The following SGCD variants were observed in gnomAD, a reference collection of about 807,000 sequenced individuals.
The protein encoded by SGCD is sarcoglycan delta.
A neutral mutation model predicts 36.6 loss-of-function variants in SGCD; 18 were observed. That is an observed-to-expected ratio of 0.49 (90% CI 0.34 to 0.73). The LOEUF (loss-of-function observed/expected upper bound fraction) is 0.73, where lower values mean the gene tolerates loss of function less well. Among genes scored for constraint, SGCD ranks in the 30% least tolerant of loss-of-function variants. SGCD has a pLI of 0.01. For missense variants in SGCD, 387 were observed against 346.7 expected, an observed-to-expected ratio of 1.12 and a Z score of -0.92; for synonymous variants, 133 against 130.6, an observed-to-expected ratio of 1.02 and a Z score of -0.12.
chr5:156,157,973 G>T (rs1447816590), intron 3 of SGCD, among the ~76,000 whole-genome samples: 1 of 151,502 alleles, frequency 6.6e-6, no homozygotes, highest in Non-Finnish European at 1.5e-5. Context: ...AATTATGTGA[G>T]TCGCTCAAAC....
At chr5:156,647,967 C>G (rs1171130700) in intron 7 of SGCD, among the ~76,000 whole-genome samples, 2 of 152,140 alleles carry the variant, frequency 1.3e-5, no homozygotes, top group African/African-American at 2.4e-5. Flanking sequence ...AAAGAACCCC[C>G]TTCTGCAGAT....
intron 3 of SGCD, among the ~76,000 whole-genome samples, chr5:156,229,286 A>ATATATATATATATATATATATATATG (rs1229174444): frequency 1.8e-5 from 2 of 110,450 alleles, no homozygotes; most frequent in Non-Finnish European, 1.7e-5. Context: ...ACATATATAT[A>ATATATATATATATATATATATATATG]TATATATATA....
chr5:155,783,843 G>C, the SGCD span, among the ~76,000 whole-genome samples: 1 of 152,144 alleles, frequency 6.6e-6, no homozygotes, highest in Non-Finnish European at 1.5e-5. Flanking sequence ...TAGTAACAAA[G>C]CTACAGGAAC....
rs143083472 is a variant in SGCD at position 156,482,017 on chromosome 5, C to T, written c.193-26584C>T. Among the ~76,000 whole-genome samples, 242 of 152,312 alleles carry T rather than the reference C, an allele frequency of 1.6e-3. 1 individual carries two copies. The highest frequency in any genetic ancestry group is 7.2e-3 in the South Asian group (35 of 4,830). On this transcript the variant is annotated intron_variant, in intron 3 of 8. Coordinates refer to ENST00000337851, the MANE Select transcript of SGCD (RefSeq NM_000337.6). ...GCAGTCTGGTCCCAGTCCCCTCAAACAGAAACTTGCTCCTTTCCCACATCT... is the reference window on the plus strand; with the variant it reads ...GCAGTCTGGTCCCAGTCCCCTCAAATAGAAACTTGCTCCTTTCCCACATCT...
intron 3 of SGCD, among the ~76,000 whole-genome samples, chr5:156,255,956 T>C (rs1765705776): frequency 6.6e-6 from 1 of 152,226 alleles, no homozygotes; most frequent in South Asian, 2.1e-4. Context: ...TCTTTGTTGA[T>C]AAGTATTTTT....
At chr5:155,986,591 A>C (rs780579400) in intron 1 of SGCD, among the ~76,000 whole-genome samples, 4 of 152,218 alleles carry the variant, frequency 2.6e-5, no homozygotes, top group Non-Finnish European at 5.9e-5. Flanking sequence ...ATTGTGAAGG[A>C]CATGAAAAGC....
the SGCD span, among the ~76,000 whole-genome samples, chr5:155,776,973 A>G: frequency 6.6e-6 from 1 of 152,158 alleles, no homozygotes; most frequent in Non-Finnish European, 1.5e-5. Context: ...CAACCTTATA[A>G]AAACACTACT....
chr5:156,564,105 A>C (rs1759379641), intron 4 of SGCD, among the ~76,000 whole-genome samples: 1 of 152,242 alleles, frequency 6.6e-6, no homozygotes, highest in East Asian at 1.9e-4. Flanking sequence ...CAATTGTATC[A>C]AAACACTATT....
At chr5:156,433,302 G>T (rs931005421) in intron 3 of SGCD, among the ~76,000 whole-genome samples, 9 of 152,102 alleles carry the variant, frequency 5.9e-5, no homozygotes, top group Non-Finnish European at 8.8e-5. Context: ...GTAAGTTGGG[G>T]AGTGGGGATT....
chr5:156,586,753 T>G (rs1760510467), intron 4 of SGCD, among the ~76,000 whole-genome samples: 1 of 152,196 alleles, frequency 6.6e-6, no homozygotes. Context: ...AGATTTTGGT[T>G]TTTTTGTTTT....
chr5:156,455,942 C>A (rs957620659), intron 3 of SGCD, among the ~76,000 whole-genome samples: 6 of 152,072 alleles, frequency 3.9e-5, no homozygotes, highest in African/African-American at 1.4e-4. Flanking sequence ...GCCGGGAATG[C>A]CAAGGATTGA....
intron 3 of SGCD, among the ~76,000 whole-genome samples, chr5:156,236,232 T>C (rs2127653712): frequency 6.6e-6 from 1 of 152,310 alleles, no homozygotes; most frequent in East Asian, 1.9e-4. Context: ...AGGACAAGAT[T>C]ACAGTGTATG....
At chr5:156,581,153 G>A (rs7706946) in intron 4 of SGCD, among the ~76,000 whole-genome samples, 41,982 of 152,016 alleles carry the variant, frequency 0.28, 6,559 homozygotes, top group African/African-American at 0.43. Context: ...CTTCTGTCAC[G>A]TCCCTCAGCT....
chr5:156,380,723 A>G (rs1421617392), intron 3 of SGCD, among the ~76,000 whole-genome samples: 2 of 152,226 alleles, frequency 1.3e-5, no homozygotes, highest in Admixed American at 1.3e-4. Flanking sequence ...AAATGGGGAT[A>G]GTGGTACTAA....
chr5:156,041,737 G>T (rs1322364816), intron 1 of SGCD, among the ~76,000 whole-genome samples: 2 of 152,120 alleles, frequency 1.3e-5, no homozygotes, highest in Non-Finnish European at 2.9e-5. Context: ...AAGGTTTCCT[G>T]TAAGGAAGAT....
intron 4 of SGCD, among the ~76,000 whole-genome samples, chr5:156,515,897 T>C (rs1240588474): frequency 6.6e-6 from 1 of 152,226 alleles, no homozygotes; most frequent in African/African-American, 2.4e-5. Flanking sequence ...ACAGCAGCTG[T>C]AGCAGATTGT....
At chr5:155,924,093 C>T (rs534846795) in intron 1 of SGCD, among the ~76,000 whole-genome samples, 52 of 152,278 alleles carry the variant, frequency 3.4e-4, no homozygotes, top group Non-Finnish European at 6.9e-4. Flanking sequence ...AACTTTTATT[C>T]CATGGCAGTC....
intron 7 of SGCD, among the ~76,000 whole-genome samples, chr5:156,688,881 T>C (rs1315056923): frequency 2.0e-5 from 3 of 152,254 alleles, no homozygotes; most frequent in African/African-American, 7.2e-5. Context: ...AGAGCTTAGC[T>C]GATTTCTTCA....
Position 156,021,919 on chromosome 5 carries a change from T to C in SGCD, c.-281-95959T>C, listed in dbSNP as rs148216171. Among the ~76,000 whole-genome samples the C allele has an allele frequency of 8.1e-4, 124 of 152,306 alleles. 1 individual carries two copies. Among genetic ancestry groups the C allele is most frequent in the African/African-American group, 2.8e-3 (118 of 41,580 alleles). ...TGCTATACAGTTCATCCATTTAAAG[T>C]GTATAATTCATCGGTTTTTAGTATA... is the stretch of plus-strand genomic sequence containing the variant. On this transcript the variant is annotated intron_variant, in intron 1 of 9. Transcript: ENST00000517913.
Sources: gnomAD v4.1 joint callset for allele counts (sites outside exome capture counted in the v4.1 genomes callset) on GRCh38, gnomAD v4.1.1 for gene constraint, MANE v1.5 for transcripts, NCBI Gene and HGNC (gene_info 2026-07-23, HGNC 2026-07-21) for gene names.